ZNF804B: variants seen among roughly 807,000 people sequenced by gnomAD.
ZNF804B encodes the protein zinc finger protein 804B, also known as zinc finger 804B.
ZNF804B carries 80 observed loss-of-function variants against 101.4 expected under a neutral mutation model. The observed-to-expected ratio is 0.79, with a 90% CI of 0.66 to 0.95. ZNF804B has a LOEUF of 0.95. Among genes scored for constraint, ZNF804B ranks in the 40% least tolerant of loss-of-function variants. The pLI, the probability that ZNF804B is intolerant of heterozygous loss-of-function variation, is 0.00. For missense variants in ZNF804B, 1,673 were observed against 1,561.9 expected, an observed-to-expected ratio of 1.07 and a Z score of -1.20; for synonymous variants, 622 against 558.8, an observed-to-expected ratio of 1.11 and a Z score of -1.59.
chr7:89,016,543 G>C (rs922461250), intron 1 of ZNF804B, among the ~76,000 whole-genome samples: 1 of 149,718 alleles, frequency 6.7e-6, no homozygotes, highest in Non-Finnish European at 1.5e-5. Context: ...TCCAGTTTCA[G>C]CTTTCTACAT....
intron 1 of ZNF804B, among the ~76,000 whole-genome samples, chr7:88,866,472 T>C (rs1277517515): frequency 6.6e-6 from 1 of 152,220 alleles, no homozygotes; most frequent in African/African-American, 2.4e-5. Flanking sequence ...ATATGAGTAG[T>C]GTATCTTCCC....
chr7:88,984,520 G>A (rs916639484), intron 1 of ZNF804B, among the ~76,000 whole-genome samples: 2 of 151,650 alleles, frequency 1.3e-5, no homozygotes, highest in Admixed American at 1.3e-4. Context: ...TGTGTAACTG[G>A]ATGCTAACTT....
chr7:89,080,142 G>C (rs1389228394), intron 1 of ZNF804B, among the ~76,000 whole-genome samples: 1 of 151,858 alleles, frequency 6.6e-6, no homozygotes, highest in Non-Finnish European at 1.5e-5. Flanking sequence ...ATGGTGCCTT[G>C]GACCAGGGCA....
chr7:89,013,159 G>A (rs139871612), intron 1 of ZNF804B, among the ~76,000 whole-genome samples: 2,424 of 152,286 alleles, frequency 0.016, 27 homozygotes, highest in Non-Finnish European at 0.024. Context: ...TTCAAGGTGA[G>A]ATTTGGGTAG....
At position 89,322,937 on chromosome 7, in the gene ZNF804B, C is replaced by T. The variant is rs116001702; in HGVS notation, c.250-4407C>T. Among the ~76,000 whole-genome samples, 870 of 152,244 alleles carry T rather than the reference C, an allele frequency of 5.7e-3. 6 individuals carry two copies. Among genetic ancestry groups the T allele is most frequent in the African/African-American group, 0.02 (831 of 41,548 alleles). ...AACTCATTTTATGAGGCCATTATTACCATGGTATTTGTTATAGACCATAAG... is the reference window on the plus strand; with the variant it reads ...AACTCATTTTATGAGGCCATTATTATCATGGTATTTGTTATAGACCATAAG... On this transcript the variant is annotated intron_variant, in intron 2 of 3. Coordinates refer to ENST00000333190, the MANE Select transcript of ZNF804B (RefSeq NM_181646.5).
rs767660970 is a variant in ZNF804B, at chr7:89,336,751, C to T, written c.3769C>T (p.Pro1257Ser). Residue 1257 changes from proline (P) to serine (S), a missense_variant, in exon 4 of 4, where the codon CCT (proline) becomes TCT (serine). Pro to Ser is a moderately conservative substitution (Grantham distance 74, BLOSUM62 -1). Transcript: ENST00000333190. ...SFSTLTPTII[P>S]AHPTFLAGHP... The stretch of plus-strand genomic sequence containing the variant: ...TTCGACTCTGACTCCAACCATTATC[C>T]CTGCACACCCCACTTTCTTAGCAGG... 4 of 1,614,054 alleles carry T rather than the reference C, an allele frequency of 2.5e-6. No individual in the cohort carries two copies. The Admixed American group carries it at 5.0e-5, about 20-fold the overall frequency.
chr7:88,830,877 T>G (rs1047449484), intron 1 of ZNF804B, among the ~76,000 whole-genome samples: 6 of 151,974 alleles, frequency 3.9e-5, no homozygotes, highest in African/African-American at 1.4e-4. Context: ...TTATGTGAAT[T>G]ATTTGTTCAT....
chr7:89,067,702 A>T (rs1165569065), intron 1 of ZNF804B, among the ~76,000 whole-genome samples: 3 of 152,156 alleles, frequency 2.0e-5, no homozygotes, highest in Non-Finnish European at 4.4e-5. Context: ...AAGCAGGTCA[A>T]TACCAGTAGT....
chr7:89,251,684 G>C (rs759241207), intron 2 of ZNF804B, among the ~76,000 whole-genome samples: 1 of 151,960 alleles, frequency 6.6e-6, no homozygotes, highest in Admixed American at 6.6e-5. Context: ...GTATGGTATT[G>C]GTTACTGTAC....
At chr7:89,083,699 A>T (rs898523234) in intron 1 of ZNF804B, among the ~76,000 whole-genome samples, 2 of 152,068 alleles carry the variant, frequency 1.3e-5, no homozygotes, top group African/African-American at 4.8e-5. Flanking sequence ...CAATAATAAA[A>T]GTGAAACATA....
intron 1 of ZNF804B, among the ~76,000 whole-genome samples, chr7:88,950,415 T>A (rs899774335): frequency 6.6e-6 from 1 of 151,894 alleles, no homozygotes; most frequent in African/African-American, 2.4e-5. Flanking sequence ...TTTAGCATAT[T>A]TTCTAATTAT....
At chr7:89,104,255 G>A (rs1462720609) in intron 1 of ZNF804B, among the ~76,000 whole-genome samples, 1 of 152,016 alleles carries the variant, frequency 6.6e-6, no homozygotes, top group Non-Finnish European at 1.5e-5. Context: ...CATAGAATGA[G>A]TTAGGAAAGG....
chr7:89,251,791 A>G (rs1789544988), intron 2 of ZNF804B, among the ~76,000 whole-genome samples: 2 of 152,210 alleles, frequency 1.3e-5, no homozygotes, highest in African/African-American at 4.8e-5. Context: ...CAAGGTCAAC[A>G]AAAACAAGCA....
At chr7:89,162,757 A>C (rs1791086192) in intron 1 of ZNF804B, among the ~76,000 whole-genome samples, 1 of 148,234 alleles carries the variant, frequency 6.7e-6, no homozygotes, top group African/African-American at 2.5e-5. Flanking sequence ...GCACCCACTA[A>C]CTCGTCATCT....
intron 1 of ZNF804B, among the ~76,000 whole-genome samples, chr7:88,810,401 C>T (rs760874822): frequency 6.6e-6 from 1 of 151,884 alleles, no homozygotes; most frequent in Non-Finnish European, 1.5e-5. Context: ...TGCCTGTAAT[C>T]CAGCACTTAA....
chr7:88,895,078 A>T (rs1792267058), intron 1 of ZNF804B, among the ~76,000 whole-genome samples: 1 of 152,148 alleles, frequency 6.6e-6, no homozygotes, highest in Admixed American at 6.6e-5. Context: ...GGGGGTATAG[A>T]TTTTTTTATT....
Position 88,759,770 on chromosome 7 carries a change from C to A in ZNF804B, c.-207C>A, listed in dbSNP as rs879885903. 140 of 586,122 alleles carry A rather than the reference C, an allele frequency of 2.4e-4. No individual in the cohort carries two copies. The highest frequency in any genetic ancestry group is 3.8e-4 in the Non-Finnish European group (126 of 328,270). 36.3% of individuals were successfully genotyped at this position (586,122 alleles called of 1,614,324 possible). ...TCCGTGCTCTGTGCTGTCGCCGCCG[C>A]CGCCTCTGTCAGAGCAGCAGCTGTC... On this transcript the variant is annotated 5_prime_UTR_variant, in exon 1 of 4. Transcript: ENST00000333190.
chr7:89,004,882 G>A (rs1294717459), intron 1 of ZNF804B, among the ~76,000 whole-genome samples: 7 of 151,672 alleles, frequency 4.6e-5, no homozygotes, highest in Non-Finnish European at 1.0e-4. Context: ...TTTTTTTCTA[G>A]CCTTCTTCTC....
At chr7:88,924,044 T>C (rs553972879) in intron 1 of ZNF804B, among the ~76,000 whole-genome samples, 4 of 152,258 alleles carry the variant, frequency 2.6e-5, no homozygotes, top group African/African-American at 9.6e-5. Flanking sequence ...CATTTCCAAC[T>C]GGCACACCTT....
Sources: allele counts gnomAD v4.1 joint callset (sites outside exome capture counted in the v4.1 genomes callset), GRCh38; gene constraint gnomAD v4.1.1; transcripts MANE v1.5; gene names NCBI Gene and HGNC (gene_info 2026-07-23, HGNC 2026-07-21).